Variants in KRTAP22-1 observed in about 807,000 individuals in gnomAD.
KRTAP22-1 encodes the protein keratin-associated protein 22-1.
For missense variants in KRTAP22-1, 48 were observed against 56.7 expected (o/e 0.85, Z 0.49); for synonymous variants, 19 against 21.5 (o/e 0.88, Z 0.33).
In KRTAP22-1 at chr21:30,601,342, A is replaced by G; in HGVS notation, c.*75A>G. 1 of 1,234,424 alleles carries G rather than the reference A, an allele frequency of 8.1e-7. No homozygotes were observed. Among genetic ancestry groups the G allele is most frequent in the Non-Finnish European group, 1.1e-6 (1 of 908,292 alleles). The allele number at this position is 1,234,424 out of a possible 1,614,324, so 76.5% of individuals were successfully genotyped here. The stretch of plus-strand genomic sequence containing the variant: ...TTTCTTCCCGTGTTTTTTTCTGTTC[A>G]AAGAGTGACAACTAAAATTTAGCCC... On this transcript the variant is annotated 3_prime_UTR_variant, in exon 1 of 1. Transcript: ENST00000334680.
In KRTAP22-1 at chr21:30,601,328, G is replaced by GTTATTTATAATAATGATGT; in HGVS notation, c.*63_*64insATTTATAATAATGATGTTT. On this transcript the variant is annotated 3_prime_UTR_variant, in exon 1 of 1. Coordinates refer to ENST00000334680, the MANE Select transcript of KRTAP22-1 (RefSeq NM_181620.2). ...CTTATGAGCTATGTTTTCTTCCCGT[G>GTTATTTATAATAATGATGT]TTTTTTTCTGTTCAAAGAGTGACAA... The GTTATTTATAATAATGATGT allele has an allele frequency of 6.6e-7, 1 of 1,508,396 alleles. No homozygotes were observed. Among genetic ancestry groups the GTTATTTATAATAATGATGT allele is most frequent in the African/African-American group, 1.4e-5 (1 of 72,084 alleles). 93.4% of individuals were successfully genotyped at this position (1,508,396 alleles called of 1,614,324 possible). A position where few individuals can be genotyped will look rare whatever the true frequency, so the allele number is the denominator to read the frequency against.
chr21:30,601,256 GGCT>G lies in KRTAP22-1; in HGVS notation c.140_142del (p.Cys47del). Reference sequence around the variant, plus strand: ...GTGTTATGAAAGATCTTGGTTTTCTGGCTGCTTCTGAGAAATTAGAGATTGCTG... The same window carrying G: ...GTGTTATGAAAGATCTTGGTTTTCTGGCTTCTGAGAAATTAGAGATTGCTG... On this transcript the variant is annotated inframe_deletion, in exon 1 of 1. Transcript: ENST00000334680. 1 of 1,613,908 alleles carries G rather than the reference GGCT, an allele frequency of 6.2e-7. No individual in the cohort carries two copies. Among genetic ancestry groups the G allele is most frequent in the Non-Finnish European group, 8.5e-7 (1 of 1,179,870 alleles).
In KRTAP22-1 at chr21:30,601,226, C is replaced by G. The variant is rs761789279; in HGVS notation, c.106C>G (p.Pro36Ala). The G allele has an allele frequency of 5.6e-6, 9 of 1,614,098 alleles. No homozygotes were observed. The highest frequency in any genetic ancestry group is 1.1e-5 in the South Asian group (1 of 91,082). The change falls in exon 1 of 1, where the codon CCA (proline) becomes GCA (alanine). Residue 36 changes from proline to alanine, a missense_variant. Transcript: ENST00000334680. Reference protein sequence around the residue: ...LSGYGYACYCPWCYERSWFSG... With the variant: ...LSGYGYACYCAWCYERSWFSG... ...CGGCTATGGCTATGCCTGCTACTGC[C>G]CATGGTGTTATGAAAGATCTTGGTT...
At position 30,601,150 on chromosome 21, in the gene KRTAP22-1, C is replaced by T; in HGVS notation, c.30C>T (p.Gly10=). 2 of 1,614,186 alleles carry T rather than the reference C, an allele frequency of 1.2e-6. No individual in the cohort carries two copies. The highest frequency in any genetic ancestry group is 4.5e-5 in the East Asian group (2 of 44,884). Reference sequence around the variant, plus strand: ...GCTTTGATAACAACTACCATGGTGGCCAGGGCTATGCCAAAGGAGGCCTGG... The same window carrying T: ...GCTTTGATAACAACTACCATGGTGGTCAGGGCTATGCCAAAGGAGGCCTGG... MSFDNNYHG[G]QGYAKGGLGC... is the part of the protein sequence containing the mutation. The change falls in exon 1 of 1, where the codon GGC becomes GGT. Residue 10 remains glycine (G), a synonymous_variant. Transcript: ENST00000334680.
At position 30,601,204 on chromosome 21, in the gene KRTAP22-1, C is replaced by G; in HGVS notation, c.84C>G (p.Gly28=). Reference sequence around the variant, plus strand: ...GCAGCTATGGCTGTGGTCTTAGCGGCTATGGCTATGCCTGCTACTGCCCAT... The same window carrying G: ...GCAGCTATGGCTGTGGTCTTAGCGGGTATGGCTATGCCTGCTACTGCCCAT... The part of the protein sequence containing the change: ...LGCSYGCGLS[G]YGYACYCPWC... The change falls in exon 1 of 1, where the codon GGC becomes GGG. Residue 28 remains glycine, a synonymous_variant. Transcript: ENST00000334680. 3.7e-6 allele frequency: 6 copies of G among 1,614,082 alleles called. No homozygotes were observed. The highest frequency in any genetic ancestry group is 5.1e-6 in the Non-Finnish European group (6 of 1,179,930).
Position 30,601,149 on chromosome 21 carries a change from G to T in KRTAP22-1, c.29G>T (p.Gly10Val). ...AGCTTTGATAACAACTACCATGGTG[G>T]CCAGGGCTATGCCAAAGGAGGCCTG... The part of the protein sequence containing the change: MSFDNNYHG[G>V]QGYAKGGLGC... Residue 10 changes from glycine (G) to valine (V), a missense_variant, in exon 1 of 1, where the codon GGC becomes GTC. Gly to Val is a moderately radical substitution (Grantham distance 109, BLOSUM62 -3). Coordinates refer to ENST00000334680, the MANE Select transcript of KRTAP22-1 (RefSeq NM_181620.2). 2 of 1,614,180 alleles carry T rather than the reference G, an allele frequency of 1.2e-6. No individual in the cohort carries two copies. Among genetic ancestry groups the T allele is most frequent in the South Asian group, 2.2e-5 (2 of 91,082 alleles).
chr21:30,601,313 A>G lies in KRTAP22-1; in HGVS notation c.*46A>G, dbSNP rs1413615495. The G allele has an allele frequency of 2.6e-6, 4 of 1,564,094 alleles. No homozygotes were observed. Among genetic ancestry groups the G allele is most frequent in the Non-Finnish European group, 3.5e-6 (4 of 1,151,684 alleles). On this transcript the variant is annotated 3_prime_UTR_variant, in exon 1 of 1. Transcript: ENST00000334680. ...TGTTTAGGCCATTCTCTTATGAGCT[A>G]TGTTTTCTTCCCGTGTTTTTTTCTG...
Position 30,601,108 on chromosome 21 carries a change from C to A in KRTAP22-1, c.-13C>A, listed in dbSNP as rs372186338. The A allele has an allele frequency of 3.2e-5, 51 of 1,613,930 alleles. No homozygotes were observed. Among genetic ancestry groups the A allele is most frequent in the Non-Finnish European group, 4.3e-5 (51 of 1,179,938 alleles). On this transcript the variant is annotated 5_prime_UTR_variant, in exon 1 of 1. Transcript: ENST00000334680. ...GATCCTGCTATACAACTGAGCCTAC[C>A]TTTCTTGAAACCATGAGCTTTGATA...
In KRTAP22-1 at chr21:30,601,341, C is replaced by A; in HGVS notation, c.*74C>A. 8.1e-7 allele frequency: 1 copy of A among 1,228,588 alleles called. No individual in the cohort carries two copies. The highest frequency in any genetic ancestry group is 1.5e-5 in the South Asian group (1 of 66,016). 76.1% of individuals were successfully genotyped at this position (1,228,588 alleles called of 1,614,324 possible). A position where few individuals can be genotyped will look rare whatever the true frequency, so the allele number is the denominator to read the frequency against. ...TTTTCTTCCCGTGTTTTTTTCTGTT[C>A]AAAGAGTGACAACTAAAATTTAGCC... On this transcript the variant is annotated 3_prime_UTR_variant, in exon 1 of 1. Transcript: ENST00000334680.
In KRTAP22-1 at chr21:30,601,104, C is replaced by T. The variant is rs1204704851; in HGVS notation, c.-17C>T. The T allele has an allele frequency of 1.2e-6, 2 of 1,613,766 alleles. No homozygotes were observed. The highest frequency in any genetic ancestry group is 2.7e-5 in the African/African-American group (2 of 74,902). ...ATCTGATCCTGCTATACAACTGAGC[C>T]TACCTTTCTTGAAACCATGAGCTTT... On this transcript the variant is annotated 5_prime_UTR_variant, in exon 1 of 1. Coordinates refer to ENST00000334680, the MANE Select transcript of KRTAP22-1 (RefSeq NM_181620.2).
At position 30,601,094 on chromosome 21, in the gene KRTAP22-1, A is replaced by T; in HGVS notation, c.-27A>T. 6.2e-7 allele frequency: 1 copy of T among 1,613,588 alleles called. No individual in the cohort carries two copies. The stretch of plus-strand genomic sequence containing the variant: ...AAACTCTAGAATCTGATCCTGCTAT[A>T]CAACTGAGCCTACCTTTCTTGAAAC... On this transcript the variant is annotated 5_prime_UTR_variant, in exon 1 of 1. Transcript: ENST00000334680.
Position 30,601,364 on chromosome 21 carries a change from GC to G in KRTAP22-1, c.*100del. On this transcript the variant is annotated 3_prime_UTR_variant, in exon 1 of 1. Transcript: ENST00000334680. ...TTCAAAGAGTGACAACTAAAATTTA[GC>G]CCACATTGCCAAGTCAGAATTTATT... The G allele has an allele frequency of 8.4e-7, 1 of 1,190,398 alleles. No homozygotes were observed. The highest frequency in any genetic ancestry group is 1.2e-6 in the Non-Finnish European group (1 of 853,620). The allele number at this position is 1,190,398 out of a possible 1,614,324, so 73.7% of individuals were successfully genotyped here. A position where few individuals can be genotyped will look rare whatever the true frequency, so the allele number is the denominator to read the frequency against.
In KRTAP22-1 at chr21:30,601,088, T is replaced by C; in HGVS notation, c.-33T>C. ...AACTTAAAACTCTAGAATCTGATCCTGCTATACAACTGAGCCTACCTTTCT... is the reference window on the plus strand; with the variant it reads ...AACTTAAAACTCTAGAATCTGATCCCGCTATACAACTGAGCCTACCTTTCT... On this transcript the variant is annotated 5_prime_UTR_variant, in exon 1 of 1. Transcript: ENST00000334680. 1 of 1,612,406 alleles carries C rather than the reference T, an allele frequency of 6.2e-7. No individual in the cohort carries two copies. Among genetic ancestry groups the C allele is most frequent in the Non-Finnish European group, 8.5e-7 (1 of 1,178,420 alleles).
chr21:30,601,333 T>TATAATAA lies in KRTAP22-1; in HGVS notation c.*66_*67insATAATAA. ...GAGCTATGTTTTCTTCCCGTGTTTT[T>TATAATAA]TTCTGTTCAAAGAGTGACAACTAAA... On this transcript the variant is annotated 3_prime_UTR_variant, in exon 1 of 1. Coordinates refer to ENST00000334680, the MANE Select transcript of KRTAP22-1 (RefSeq NM_181620.2). 4 of 1,512,362 alleles carry TATAATAA rather than the reference T, an allele frequency of 2.6e-6. No homozygotes were observed. Among genetic ancestry groups the TATAATAA allele is most frequent in the Admixed American group, 2.1e-5 (1 of 48,300 alleles). 93.7% of individuals were successfully genotyped at this position (1,512,362 alleles called of 1,614,324 possible). A position where few individuals can be genotyped will look rare whatever the true frequency, so the allele number is the denominator to read the frequency against.
rs776114926 is a variant in KRTAP22-1 at position 30,601,092 on chromosome 21, A to G, written c.-29A>G. 3 of 1,613,336 alleles carry G rather than the reference A, an allele frequency of 1.9e-6. No individual in the cohort carries two copies. The highest frequency in any genetic ancestry group is 1.7e-5 in the Admixed American group (1 of 60,034). ...TAAAACTCTAGAATCTGATCCTGCT[A>G]TACAACTGAGCCTACCTTTCTTGAA... On this transcript the variant is annotated 5_prime_UTR_variant, in exon 1 of 1. Coordinates refer to ENST00000334680, the MANE Select transcript of KRTAP22-1 (RefSeq NM_181620.2).
chr21:30,601,208 G>T lies in KRTAP22-1; in HGVS notation c.88G>T (p.Gly30Cys). The change falls in exon 1 of 1, where the codon GGC (glycine) becomes TGC (cysteine). Residue 30 changes from glycine (G) to cysteine (C), a missense_variant. By Grantham distance (159) the Gly-to-Cys change is radical. Coordinates refer to ENST00000334680, the MANE Select transcript of KRTAP22-1 (RefSeq NM_181620.2). ...CSYGCGLSGY[G>C]YACYCPWCYE... ...CTATGGCTGTGGTCTTAGCGGCTAT[G>T]GCTATGCCTGCTACTGCCCATGGTG... 2 of 1,614,132 alleles carry T rather than the reference G, an allele frequency of 1.2e-6. No homozygotes were observed. The highest frequency in any genetic ancestry group is 1.7e-6 in the Non-Finnish European group (2 of 1,179,960).
Position 30,601,095 on chromosome 21 carries a change from C to T in KRTAP22-1, c.-26C>T. ...AACTCTAGAATCTGATCCTGCTATA[C>T]AACTGAGCCTACCTTTCTTGAAACC... On this transcript the variant is annotated 5_prime_UTR_variant, in exon 1 of 1. Transcript: ENST00000334680. The T allele has an allele frequency of 6.2e-7, 1 of 1,613,444 alleles. No homozygotes were observed. Among genetic ancestry groups the T allele is most frequent in the African/African-American group, 1.3e-5 (1 of 75,044 alleles).
rs189111600 is a variant in KRTAP22-1, at chr21:30,601,087, C to T, written c.-34C>T. 6.1e-5 allele frequency: 98 copies of T among 1,612,004 alleles called. No homozygotes were observed. The East Asian group carries it at 2.0e-3, about 33-fold the overall frequency. On this transcript the variant is annotated 5_prime_UTR_variant, in exon 1 of 1. Coordinates refer to ENST00000334680, the MANE Select transcript of KRTAP22-1 (RefSeq NM_181620.2). ...AAACTTAAAACTCTAGAATCTGATC[C>T]TGCTATACAACTGAGCCTACCTTTC...
chr21:30,601,152 A>G lies in KRTAP22-1; in HGVS notation c.32A>G (p.Gln11Arg). 2 of 1,614,248 alleles carry G rather than the reference A, an allele frequency of 1.2e-6. No individual in the cohort carries two copies. The highest frequency in any genetic ancestry group is 1.7e-6 in the Non-Finnish European group (2 of 1,180,034). ...TTTGATAACAACTACCATGGTGGCC[A>G]GGGCTATGCCAAAGGAGGCCTGGGC... The part of the protein sequence containing the change: MSFDNNYHGG[Q>R]GYAKGGLGCS... The change falls in exon 1 of 1, where the codon CAG (glutamine) becomes CGG (arginine). Residue 11 changes from glutamine to arginine, a missense_variant. Transcript: ENST00000334680.
Sources: gnomAD v4.1 joint callset for allele counts on GRCh38, gnomAD v4.1.1 for gene constraint, MANE v1.5 for transcripts, NCBI Gene and HGNC (gene_info 2026-07-23, HGNC 2026-07-21) for gene names.